The following DLG2 variants were observed in gnomAD, a reference collection of about 807,000 sequenced individuals.
DLG2 encodes the protein discs large MAGUK scaffold protein 2, also known as disks large homolog 2.
Under a neutral mutation model 132.5 loss-of-function variants are expected in DLG2, and 45 were observed. That is an observed-to-expected ratio of 0.34 (90% CI 0.27 to 0.44). DLG2 has a LOEUF of 0.44. Among genes scored for constraint, DLG2 ranks in the 20% least tolerant of loss-of-function variants. DLG2 has a pLI of 1.00. For missense variants in DLG2, 1,045 were observed against 1,196.9 expected, an observed-to-expected ratio of 0.87 and a Z score of 1.87; for synonymous variants, 424 against 419.6, an observed-to-expected ratio of 1.01 and a Z score of -0.13.
chr11:85,604,317 G>C (rs959833539), intron 2 of DLG2, among the ~76,000 whole-genome samples: 1 of 152,164 alleles, frequency 6.6e-6, no homozygotes, highest in African/African-American at 2.4e-5. Flanking sequence ...ATCACCTGGA[G>C]TCAATTCTAT....
At chr11:83,677,236 G>A (rs777438473) in intron 18 of DLG2, among the ~76,000 whole-genome samples, 6 of 152,058 alleles carry the variant, frequency 3.9e-5, no homozygotes, top group Non-Finnish European at 5.9e-5. Context: ...CTAAAGGCAT[G>A]CTTTGTCTTG....
intron 3 of DLG2, among the ~76,000 whole-genome samples, chr11:85,313,378 C>A (rs1320898169): frequency 1.3e-5 from 2 of 151,946 alleles, no homozygotes; most frequent in African/African-American, 4.8e-5. Flanking sequence ...AGAAATAAAT[C>A]CTTATTGTGT....
chr11:84,714,617 TTCTCTTTCTCTCTC>T (rs2060942360), intron 6 of DLG2, among the ~76,000 whole-genome samples: 12 of 96,640 alleles, frequency 1.2e-4, no homozygotes, highest in African/African-American at 4.8e-4. Context: ...CTCTTTCTCT[TTCTCTTTCTCTCTC>T]TCTCTCTCTC....
At position 83,458,808 on chromosome 11, in the gene DLG2, C is replaced by T. The variant is rs1591170235; in HGVS notation, c.*1010G>A. 1 of 152,154 alleles carries T rather than the reference C, an allele frequency of 6.6e-6. No homozygotes were observed. Among genetic ancestry groups the T allele is most frequent in the South Asian group, 2.1e-4 (1 of 4,822 alleles). 9.4% of individuals were successfully genotyped at this position (152,154 alleles called of 1,614,324 possible). A position where few individuals can be genotyped will look rare whatever the true frequency, so the allele number is the denominator to read the frequency against. ...CCATCAGCATAAAAAAATGCATTAA[C>T]CAAATGTCTTCCAAAAATATCCATG... On this transcript the variant is annotated 3_prime_UTR_variant, in exon 28 of 28. Coordinates refer to ENST00000376104, the MANE Select transcript of DLG2 (RefSeq NM_001142699.3).
chr11:83,934,256 C>T (rs2080978459), intron 14 of DLG2, among the ~76,000 whole-genome samples: 1 of 152,198 alleles, frequency 6.6e-6, no homozygotes, highest in South Asian at 2.1e-4. Context: ...ATCACCTCAA[C>T]TAGACTATGC....
rs1166796416 is a variant in DLG2, at chr11:85,444,954, T to C, written c.40+153703A>G. Reference sequence around the variant, plus strand: ...ATAACTTTGTTTACAAGGTTAAAAATAAAATATAACCATGAGAATAAAAAG... The same window carrying C: ...ATAACTTTGTTTACAAGGTTAAAAACAAAATATAACCATGAGAATAAAAAG... On this transcript the variant is annotated intron_variant, in intron 3 of 27. Transcript: ENST00000376104. Among the ~76,000 whole-genome samples the C allele has an allele frequency of 2.0e-5, 3 of 152,138 alleles. No homozygotes were observed. The East Asian group carries it at 5.8e-4, about 29-fold the overall frequency.
intron 18 of DLG2, among the ~76,000 whole-genome samples, chr11:83,681,462 T>C (rs954032366): frequency 6.6e-6 from 1 of 152,156 alleles, no homozygotes; most frequent in Non-Finnish European, 1.5e-5. Flanking sequence ...AATACAACAG[T>C]CATGCCTTCT....
At chr11:84,478,446 T>C (rs954562131) in intron 7 of DLG2, among the ~76,000 whole-genome samples, 2 of 152,142 alleles carry the variant, frequency 1.3e-5, no homozygotes, top group Non-Finnish European at 2.9e-5. Flanking sequence ...CGGCAGCATA[T>C]AATTCTAATG....
At chr11:85,247,701 T>C (rs1336036448) in intron 4 of DLG2, among the ~76,000 whole-genome samples, 1 of 152,082 alleles carries the variant, frequency 6.6e-6, no homozygotes, top group Non-Finnish European at 1.5e-5. Flanking sequence ...CTCAGGAATC[T>C]TTTCTGTCTC....
At chr11:84,945,458 T>C (rs778479595) in intron 6 of DLG2, among the ~76,000 whole-genome samples, 35 of 152,122 alleles carry the variant, frequency 2.3e-4, no homozygotes, top group Non-Finnish European at 3.8e-4. Flanking sequence ...TATGGAGGGA[T>C]GACAAAAACA....
chr11:85,285,496 A>G (rs1370502777), intron 3 of DLG2, 131 bp from the exon 4 acceptor site: 9 of 742,096 alleles, frequency 1.2e-5, no homozygotes, highest in Non-Finnish European at 1.9e-5. Context: ...TATATCCCAA[A>G]GTAAAACAGA....
intron 18 of DLG2, among the ~76,000 whole-genome samples, chr11:83,773,812 G>A (rs1258496139): frequency 2.0e-5 from 3 of 152,128 alleles, no homozygotes; most frequent in African/African-American, 4.8e-5. Flanking sequence ...TAGGCACTTC[G>A]GACACGGCTG....
At chr11:85,206,649 T>C (rs1368099589) in intron 4 of DLG2, among the ~76,000 whole-genome samples, 1 of 152,178 alleles carries the variant, frequency 6.6e-6, no homozygotes, top group Non-Finnish European at 1.5e-5. Context: ...AAGTCGATTC[T>C]ACTCTATTCC....
chr11:83,761,177 A>C (rs2093890405), intron 18 of DLG2, among the ~76,000 whole-genome samples: 1 of 152,162 alleles, frequency 6.6e-6, no homozygotes, highest in Admixed American at 6.5e-5. Context: ...GACAGTGAGA[A>C]TGGGCATTTA....
chr11:84,994,104 A>C (rs2057402262), intron 6 of DLG2, among the ~76,000 whole-genome samples: 1 of 152,186 alleles, frequency 6.6e-6, no homozygotes, highest in Admixed American at 6.5e-5. Flanking sequence ...ATTGTAGTAA[A>C]ATCTGATGGT....
intron 6 of DLG2, among the ~76,000 whole-genome samples, chr11:84,629,151 T>C (rs1035727325): frequency 1.6e-4 from 24 of 152,200 alleles, no homozygotes; most frequent in African/African-American, 5.8e-4. Context: ...TCCTAATCTC[T>C]GAGATATAAT....
chr11:83,468,878 T>G (rs1209902866), intron 25 of DLG2, among the ~76,000 whole-genome samples: 1 of 152,094 alleles, frequency 6.6e-6, no homozygotes, highest in Non-Finnish European at 1.5e-5. Context: ...ACAAAATAAT[T>G]CAGGAATGCT....
intron 6 of DLG2, among the ~76,000 whole-genome samples, chr11:84,928,972 G>GTGTT (rs1201130229): frequency 3.4e-5 from 1 of 29,544 alleles, no homozygotes; most frequent in African/African-American, 9.2e-5. Context: ...GTGTGTGTGT[G>GTGTT]TGTGTGTGTG....
At chr11:84,172,038 T>C (rs539110542) in intron 8 of DLG2, among the ~76,000 whole-genome samples, 2 of 152,312 alleles carry the variant, frequency 1.3e-5, no homozygotes, top group Non-Finnish European at 1.5e-5. Flanking sequence ...CTGGATTCCA[T>C]AACAGTTCTG....
Sources: gnomAD v4.1 joint callset for allele counts (sites outside exome capture counted in the v4.1 genomes callset) on GRCh38, gnomAD v4.1.1 for gene constraint, MANE v1.5 for transcripts, NCBI Gene and HGNC (gene_info 2026-07-23, HGNC 2026-07-21) for gene names.